Variants in SH3KBP1 observed in about 807,000 individuals in gnomAD.
SH3KBP1 encodes SH3 domain-containing kinase-binding protein 1.
A neutral mutation model predicts 50.1 loss-of-function variants in SH3KBP1; 8 were observed. That is an observed-to-expected ratio of 0.16 (90% CI 0.09 to 0.29). The LOEUF is 0.29. Ranked by LOEUF, SH3KBP1 falls within the 10% of genes least tolerant of loss-of-function variation. The pLI is 1.00. For missense variants in SH3KBP1, 377 were observed against 535.2 expected, an observed-to-expected ratio of 0.70 and a Z score of 2.92; for synonymous variants, 227 against 218.6, an observed-to-expected ratio of 1.04 and a Z score of -0.34.
intron 2 of SH3KBP1, among the ~76,000 whole-genome samples, chrX:19,784,351 A>G (rs748073659): frequency 8.9e-6 from 1 of 111,968 alleles, no homozygotes; most frequent in African/African-American, 3.2e-5. Context: ...CGATTAAGCT[A>G]AACTTAAAAT....
intron 2 of SH3KBP1, among the ~76,000 whole-genome samples, chrX:19,826,393 T>C (rs1312095304): frequency 9.0e-6 from 1 of 110,800 alleles, no homozygotes; most frequent in Non-Finnish European, 1.9e-5. Flanking sequence ...TTATAATACA[T>C]ACCTGGACAG....
intron 1 of SH3KBP1, among the ~76,000 whole-genome samples, chrX:19,879,575 G>A (rs901250408): frequency 1.8e-5 from 2 of 112,045 alleles, no homozygotes; most frequent in African/African-American, 6.5e-5. Context: ...CATTACAGGG[G>A]CCAAACACTA....
intron 1 of SH3KBP1, among the ~76,000 whole-genome samples, chrX:19,841,698 AT>A (rs1012747194): frequency 6.3e-4 from 69 of 109,311 alleles, no homozygotes; most frequent in African/African-American, 2.2e-3. Flanking sequence ...CATCTAGTCT[AT>A]TTTTTTTTCC....
At chrX:19,778,897 G>A (rs1034432558) in intron 2 of SH3KBP1, among the ~76,000 whole-genome samples, 4 of 110,149 alleles carry the variant, frequency 3.6e-5, no homozygotes, top group Non-Finnish European at 5.7e-5. Flanking sequence ...CTATTTCACC[G>A]CTGCTCAGTA....
At chrX:19,819,003 T>C (rs1054553817) in intron 2 of SH3KBP1, among the ~76,000 whole-genome samples, 13 of 112,131 alleles carry the variant, frequency 1.2e-4, no homozygotes, top group African/African-American at 4.2e-4. Flanking sequence ...ATTCTTTAAA[T>C]GTTTGGTGGA....
intron 13 of SH3KBP1, among the ~76,000 whole-genome samples, chrX:19,553,928 AAT>A (rs1405507692): frequency 7.5e-5 from 5 of 66,407 alleles, no homozygotes; most frequent in Admixed American, 4.9e-4. Context: ...ATAATATTAA[AAT>A]ATATAATATA....
intron 1 of SH3KBP1, among the ~76,000 whole-genome samples, chrX:19,856,616 G>C (rs913386612): frequency 4.5e-5 from 5 of 111,066 alleles, no homozygotes; most frequent in African/African-American, 1.6e-4. Flanking sequence ...AGCTGTAAAG[G>C]TCTCTTATGG....
intron 2 of SH3KBP1, among the ~76,000 whole-genome samples, chrX:19,761,203 AG>A (rs1050921516): frequency 1.7e-4 from 3 of 17,169 alleles, no homozygotes; most frequent in South Asian, 7.0e-3. Flanking sequence ...AGGAGGAGGG[AG>A]GGGGGGAAGA....
At chrX:19,668,021 T>A in intron 6 of SH3KBP1, among the ~76,000 whole-genome samples, 1 of 110,992 alleles carries the variant, frequency 9.0e-6, no homozygotes, top group East Asian at 2.8e-4. Flanking sequence ...ATAGTTATCC[T>A]TGGGAGATTG....
At chrX:19,634,275 C>T (rs952182134) in intron 7 of SH3KBP1, among the ~76,000 whole-genome samples, 25 of 109,941 alleles carry the variant, frequency 2.3e-4, no homozygotes, top group Non-Finnish European at 1.1e-4. Context: ...CTTTGTTGGA[C>T]GTCAGTACAG....
At chrX:19,610,784 A>G (rs1035066841) in intron 8 of SH3KBP1, among the ~76,000 whole-genome samples, 5 of 111,991 alleles carry the variant, frequency 4.5e-5, no homozygotes, top group Non-Finnish European at 9.4e-5. Context: ...AAATCTTTAC[A>G]TGTGTGAATG....
At chrX:19,844,557 G>A (rs1035255486) in intron 1 of SH3KBP1, among the ~76,000 whole-genome samples, 1 of 111,277 alleles carries the variant, frequency 9.0e-6, no homozygotes, top group Non-Finnish European at 1.9e-5. Context: ...CACAACCAAT[G>A]CCTATATAGC....
At chrX:19,589,055 C>T (rs998892282) in intron 11 of SH3KBP1, among the ~76,000 whole-genome samples, 1 of 111,984 alleles carries the variant, frequency 8.9e-6, no homozygotes, top group Admixed American at 9.4e-5. Flanking sequence ...CACCGCCCAC[C>T]TTCAGCATAC....
At chrX:19,859,567 G>C (rs2068733693) in intron 1 of SH3KBP1, among the ~76,000 whole-genome samples, 1 of 111,913 alleles carries the variant, frequency 8.9e-6, no homozygotes, top group Admixed American at 9.4e-5. Context: ...GAAATATTAA[G>C]TGGACTTAAT....
intron 13 of SH3KBP1, among the ~76,000 whole-genome samples, chrX:19,567,884 G>A (rs753534601): frequency 6.2e-4 from 69 of 110,781 alleles, no homozygotes; most frequent in Non-Finnish European, 1.2e-3. Context: ...AACAGAAGAT[G>A]TAAAGCTAAA....
chrX:19,836,577 ACCCAGAGGGTG>A (rs2068063634), intron 1 of SH3KBP1, among the ~76,000 whole-genome samples: 1 of 111,506 alleles, frequency 9.0e-6, no homozygotes, highest in Non-Finnish European at 1.9e-5. Flanking sequence ...CATTTGCCCC[ACCCAGAGGGTG>A]TCCAGCATTG....
intron 11 of SH3KBP1, among the ~76,000 whole-genome samples, chrX:19,589,052 C>T (rs1299037581): frequency 8.9e-6 from 1 of 111,945 alleles, no homozygotes; most frequent in Admixed American, 9.4e-5. Flanking sequence ...GGCCACCGCC[C>T]ACCTTCAGCA....
At chrX:19,585,440 G>C (rs1413571511) in intron 12 of SH3KBP1, among the ~76,000 whole-genome samples, 1 of 111,798 alleles carries the variant, frequency 8.9e-6, no homozygotes, top group Non-Finnish European at 1.9e-5. Context: ...AAGTCCGGGG[G>C]TGTTTGCATC....
chrX:19,787,660 G>A (rs1447964573), intron 2 of SH3KBP1, among the ~76,000 whole-genome samples: 3 of 111,905 alleles, frequency 2.7e-5, no homozygotes, highest in Non-Finnish European at 5.6e-5. Flanking sequence ...ATACAAAAAA[G>A]TTACAAGTAA....
Sources: gnomAD v4.1 joint callset for allele counts (sites outside exome capture counted in the v4.1 genomes callset) on GRCh38, gnomAD v4.1.1 for gene constraint, MANE v1.5 for transcripts, NCBI Gene and HGNC (gene_info 2026-07-23, HGNC 2026-07-21) for gene names.